CLASP1: variants seen among roughly 807,000 people sequenced by gnomAD.
The protein encoded by CLASP1 is cytoplasmic linker associated protein 1, also known as CLIP-associating protein 1.
In CLASP1, 38 loss-of-function variants were observed where a neutral mutation model predicts 192.3. That is an observed-to-expected ratio of 0.20 (90% CI 0.15 to 0.26). The LOEUF (loss-of-function observed/expected upper bound fraction) is 0.26. Ranked by LOEUF, CLASP1 falls within the 10% of genes least tolerant of loss-of-function variation. The pLI is 1.00. For missense variants in CLASP1, 1,433 were observed against 1,932.5 expected (o/e 0.74, Z 4.85); for synonymous variants, 691 against 712.8 (o/e 0.97, Z 0.49).
intron 2 of CLASP1, among the ~76,000 whole-genome samples, chr2:121,549,340 A>G (rs1460906904): frequency 6.6e-6 from 1 of 152,200 alleles, no homozygotes; most frequent in Non-Finnish European, 1.5e-5. Context: ...AAAGACAAAG[A>G]TGGGCATTAC....
chr2:121,566,886 C>A (rs150171019), intron 2 of CLASP1, among the ~76,000 whole-genome samples: 1 of 152,278 alleles, frequency 6.6e-6, no homozygotes, highest in Admixed American at 6.5e-5. Flanking sequence ...GAAGCCTGCT[C>A]AAAAACCTTC....
At position 121,430,120 on chromosome 2, in the gene CLASP1, G is replaced by A. The variant is rs772011672; in HGVS notation, c.1970C>T (p.Pro657Leu). Residue 657 changes from proline to leucine, a missense_variant, in exon 20 of 40, where the codon CCT (proline) becomes CTT (leucine). Pro to Leu is a moderately conservative substitution (Grantham distance 98). Transcript: ENST00000263710. ...AGCGCGACTGCGGCCCCGGTTATCA[G>A]GTGTAGAGGCGACGTTGGTGGCACT... is the stretch of plus-strand genomic sequence containing the variant. 3.2e-6 allele frequency: 5 copies of A among 1,578,910 alleles called. No individual in the cohort carries two copies. The South Asian group carries it at 5.8e-5, about 18-fold the overall frequency.
chr2:121,635,283 A>G (rs1422980170), intron 1 of CLASP1, among the ~76,000 whole-genome samples: 1 of 152,116 alleles, frequency 6.6e-6, no homozygotes, highest in Non-Finnish European at 1.5e-5. Flanking sequence ...CCTGGAAAGC[A>G]TATGAAATAC....
At chr2:121,458,925 A>G in exon 13 of CLASP1, 1 of 1,613,040 alleles carries the variant, frequency 6.2e-7, no homozygotes, top group Non-Finnish European at 8.5e-7. Flanking sequence ...AGTTGGCATA[A>G]TGGCTTCAGC....
Position 121,447,360 on chromosome 2 carries a change from GGCAAAGCTGCT to G in CLASP1, c.1878_1888del (p.Ala627SerfsTer28). 6.3e-7 allele frequency: 1 copy of G among 1,591,550 alleles called. No individual in the cohort carries two copies. The highest frequency in any genetic ancestry group is 8.6e-7 in the Non-Finnish European group (1 of 1,169,322). ...ACCTAAGGATGCGTATGACCCTGGAGGCAAAGCTGCTGCAGAGCTGAAAGGCGTCGTGCCCG... is the reference window on the plus strand; with the variant it reads ...ACCTAAGGATGCGTATGACCCTGGAGGCAGAGCTGAAAGGCGTCGTGCCCG... On this transcript the variant is annotated frameshift_variant, in exon 19 of 40. Transcript: ENST00000263710. LOFTEE classifies it high-confidence loss of function.
At chr2:121,366,115 T>G (rs552660758) in intron 35 of CLASP1, among the ~76,000 whole-genome samples, 1 of 152,252 alleles carries the variant, frequency 6.6e-6, no homozygotes, top group Non-Finnish European at 1.5e-5. Flanking sequence ...TAAAGAACTC[T>G]GTCATTTCCT....
chr2:121,572,791 G>A (rs2060102131), intron 2 of CLASP1, among the ~76,000 whole-genome samples: 1 of 151,908 alleles, frequency 6.6e-6, no homozygotes, highest in Non-Finnish European at 1.5e-5. Context: ...GACTTCCATT[G>A]ATGGTGACTG....
intron 37 of CLASP1, among the ~76,000 whole-genome samples, chr2:121,357,110 C>T (rs2065560280): frequency 1.3e-5 from 2 of 152,134 alleles, no homozygotes; most frequent in South Asian, 4.1e-4. Context: ...ACCGGCTACC[C>T]CAGCACAAAT....
chr2:121,612,998 T>A (rs2065865166), intron 1 of CLASP1, among the ~76,000 whole-genome samples: 1 of 152,234 alleles, frequency 6.6e-6, no homozygotes, highest in South Asian at 2.1e-4. Context: ...CAAAAGAATA[T>A]GAGAGACATT....
At chr2:121,532,069 C>A (rs1239749219) in intron 2 of CLASP1, among the ~76,000 whole-genome samples, 1 of 152,118 alleles carries the variant, frequency 6.6e-6, no homozygotes, top group East Asian at 1.9e-4. Context: ...TTGTATACAG[C>A]CTGTGCCTGC....
At chr2:121,524,923 G>A (rs1014801241) in intron 6 of CLASP1, among the ~76,000 whole-genome samples, 2 of 152,092 alleles carry the variant, frequency 1.3e-5, no homozygotes, top group Non-Finnish European at 2.9e-5. Context: ...CTAAGAGCAC[G>A]ATAAGGAAAG....
At position 121,427,438 on chromosome 2, in the gene CLASP1, A is replaced by G; in HGVS notation, c.2018-8T>C. On this transcript the variant is annotated splice_region_variant and splice_polypyrimidine_tract_variant and intron_variant, in intron 20 of 39. Coordinates refer to ENST00000263710, the Ensembl canonical transcript of CLASP1. ...GATTAGCAGATCTGGATCCTTGATT[A>G]TGAGAGCAGACCAAAGGACAGGCAA... 6.2e-7 allele frequency: 1 copy of G among 1,612,946 alleles called. No individual in the cohort carries two copies. The highest frequency in any genetic ancestry group is 8.5e-7 in the Non-Finnish European group (1 of 1,179,614).
At chr2:121,441,931 T>C (rs920035014) in intron 19 of CLASP1, among the ~76,000 whole-genome samples, 1 of 152,166 alleles carries the variant, frequency 6.6e-6, no homozygotes, top group Non-Finnish European at 1.5e-5. Context: ...TAAGTTCTTT[T>C]TCCTGAAGAG....
chr2:121,364,585 T>G (rs2067025773), intron 36 of CLASP1: 1 of 160,036 alleles, frequency 6.2e-6, no homozygotes, highest in Non-Finnish European at 1.4e-5. Context: ...AAATTAATAA[T>G]ACAAAAATCA....
In CLASP1 at chr2:121,547,373, G is replaced by A. The variant is rs571180171; in HGVS notation, c.196-17048C>T. Reference sequence around the variant, plus strand: ...TCCAACAAGGAGGGGAGGCTAGTCCGTCTCCCAAGGGCCCACCCACCCCCC... The same window carrying A: ...TCCAACAAGGAGGGGAGGCTAGTCCATCTCCCAAGGGCCCACCCACCCCCC... On this transcript the variant is annotated intron_variant, in intron 2 of 39. Transcript: ENST00000263710. 1.4e-3 allele frequency among the ~76,000 whole-genome samples: 215 copies of A among 152,200 alleles called. No homozygotes were observed. In the Middle Eastern group the frequency reaches 0.017, roughly 12 times the overall value.
chr2:121,457,993 G>GT (rs1457893157), intron 13 of CLASP1, among the ~76,000 whole-genome samples: 1 of 152,162 alleles, frequency 6.6e-6, no homozygotes, highest in African/African-American at 2.4e-5. Context: ...ACAATCATTA[G>GT]TATGAGGTCT....
chr2:121,528,349 C>T (rs1171724367), intron 4 of CLASP1, among the ~76,000 whole-genome samples: 1 of 152,208 alleles, frequency 6.6e-6, no homozygotes, highest in Non-Finnish European at 1.5e-5. Context: ...GCCAGGCCTC[C>T]TGACTCCCCA....
chr2:121,418,392 A>T (rs1206445684), intron 23 of CLASP1, among the ~76,000 whole-genome samples: 4 of 152,256 alleles, frequency 2.6e-5, no homozygotes, highest in African/African-American at 9.6e-5. Flanking sequence ...GGTCACAATG[A>T]CAACAGTACA....
chr2:121,341,494 G>A (rs1038300706), intron 39 of CLASP1, among the ~76,000 whole-genome samples: 2 of 152,190 alleles, frequency 1.3e-5, no homozygotes, highest in African/African-American at 4.8e-5. Flanking sequence ...AGACAGAAAT[G>A]GGCAGAATGG....
Sources: allele counts gnomAD v4.1 joint callset (sites outside exome capture counted in the v4.1 genomes callset), GRCh38; gene constraint gnomAD v4.1.1; transcripts MANE v1.5; gene names NCBI Gene and HGNC (gene_info 2026-07-23, HGNC 2026-07-21).